Variants in TBCD observed in about 807,000 individuals in gnomAD.
The protein encoded by TBCD is tubulin-specific chaperone D.
TBCD carries 105 observed loss-of-function variants against 169.3 expected under a neutral mutation model. The ratio of observed to expected loss-of-function variants is 0.62; its 90% confidence interval spans 0.53 to 0.73. The LOEUF is 0.73. TBCD is among the 30% of genes least tolerant of loss of function. TBCD has a pLI of 0.00. For synonymous variants in TBCD, 700 were observed against 643.9 expected (o/e 1.09, Z -1.32); for missense variants, 1,444 against 1,600.1 (o/e 0.90, Z 1.66).
chr17:82,815,118 C>T (rs116439520), intron 13 of TBCD, among the ~76,000 whole-genome samples, 184 bp downstream of exon 13: 1,840 of 152,320 alleles, frequency 0.012, 36 homozygotes, highest in African/African-American at 0.042. Flanking sequence ...GTGGCCCTGC[C>T]GCGGGCACGC....
At chr17:82,912,559 C>A (rs1254920313) in intron 23 of TBCD, among the ~76,000 whole-genome samples, 1 of 152,238 alleles carries the variant, frequency 6.6e-6, no homozygotes, top group Non-Finnish European at 1.5e-5. Context: ...ACCCTCAGCC[C>A]CTCGCTGTGG....
At chr17:82,821,433 C>T (rs1057146017) in intron 13 of TBCD, among the ~76,000 whole-genome samples, 9 of 152,320 alleles carry the variant, frequency 5.9e-5, no homozygotes, top group African/African-American at 2.2e-4. Flanking sequence ...GAAATCTTTG[C>T]ATATGTGTTT....
intron 15 of TBCD, among the ~76,000 whole-genome samples, chr17:82,887,457 AC>A (rs910362433): frequency 5.9e-5 from 9 of 151,812 alleles, no homozygotes; most frequent in Non-Finnish European, 1.2e-4. Flanking sequence ...CTGGAGACCC[AC>A]CCCGAGCGTG....
chr17:82,888,724 T>G (rs1297878202), intron 15 of TBCD, among the ~76,000 whole-genome samples: 1 of 152,166 alleles, frequency 6.6e-6, no homozygotes, highest in Non-Finnish European at 1.5e-5. Flanking sequence ...TGGGTGGCTG[T>G]GTTCGGCTCC....
chr17:82,894,117 A>ACT (rs2059330261), intron 17 of TBCD, among the ~76,000 whole-genome samples: 2 of 46,972 alleles, frequency 4.3e-5, no homozygotes, highest in South Asian at 8.4e-4. Context: ...AGTGTTTTGA[A>ACT]GTTGAAGTTA....
Position 82,767,598 on chromosome 17 carries a change from C to T in TBCD, c.436-822C>T, listed in dbSNP as rs1355621689. ...CTGGGATTACAGGCATGTGTCATCACGCCAGGGTAATTTTGTATTTTTAGT... is the reference window on the plus strand; with the variant it reads ...CTGGGATTACAGGCATGTGTCATCATGCCAGGGTAATTTTGTATTTTTAGT... On this transcript the variant is annotated intron_variant, in intron 4 of 38. Transcript: ENST00000355528. Among the ~76,000 whole-genome samples the T allele has an allele frequency of 3.9e-5, 6 of 151,962 alleles. No individual in the cohort carries two copies. In the East Asian group the frequency reaches 5.8e-4, roughly 15 times the overall value.
chr17:82,861,476 C>A (rs1015333183), intron 13 of TBCD, among the ~76,000 whole-genome samples: 10 of 152,282 alleles, frequency 6.6e-5, no homozygotes, highest in Non-Finnish European at 1.5e-4. Flanking sequence ...GGCATAAAAT[C>A]AATGTTTGTT....
chr17:82,786,108 C>T (rs769848841), intron 7 of TBCD, among the ~76,000 whole-genome samples: 20 of 152,098 alleles, frequency 1.3e-4, no homozygotes, highest in East Asian at 7.7e-4. Flanking sequence ...CCTACCAGCC[C>T]GTGGGGCCAA....
intron 7 of TBCD, among the ~76,000 whole-genome samples, chr17:82,783,499 G>C (rs922183725): frequency 6.6e-6 from 1 of 152,130 alleles, no homozygotes; most frequent in African/African-American, 2.4e-5. Context: ...TGATTGCACC[G>C]AGCAGTCCGT....
intron 13 of TBCD, among the ~76,000 whole-genome samples, chr17:82,868,777 T>C (rs2057360508): frequency 6.6e-6 from 1 of 152,262 alleles, no homozygotes. Context: ...ATGTATCTGA[T>C]GACAGTTGCA....
At chr17:82,758,400 A>AAAAAAAT (rs1035939621) in intron 2 of TBCD, among the ~76,000 whole-genome samples, 2 of 100,056 alleles carry the variant, frequency 2.0e-5, no homozygotes, top group African/African-American at 3.6e-5. Context: ...AAAAAAAAAA[A>AAAAAAAT]AAATAAATAA....
At chr17:82,826,680 T>G (rs1052996367) in intron 13 of TBCD, among the ~76,000 whole-genome samples, 2 of 152,080 alleles carry the variant, frequency 1.3e-5, no homozygotes, top group Non-Finnish European at 2.9e-5. Flanking sequence ...CCTCCCAAAG[T>G]GCTGGGATTA....
intron 7 of TBCD, among the ~76,000 whole-genome samples, chr17:82,796,726 C>T (rs577814397): frequency 2.0e-5 from 3 of 152,182 alleles, no homozygotes; most frequent in Non-Finnish European, 2.9e-5. Context: ...CTTAGGAGAG[C>T]CCCCCAGCGG....
rs1203979213 is a variant in TBCD, at chr17:82,766,372, A to G, written c.435+4A>G. ...TCAGAATCCCAAGGACCATGAAGTGAGTGTCTCTGCCTCCCCCCTCGTCTC... is the reference window on the plus strand; with the variant it reads ...TCAGAATCCCAAGGACCATGAAGTGGGTGTCTCTGCCTCCCCCCTCGTCTC... On this transcript the variant is annotated splice_donor_region_variant and intron_variant, in intron 4 of 38. Coordinates refer to ENST00000355528, the MANE Select transcript of TBCD (RefSeq NM_005993.5). 1 of 1,607,596 alleles carries G rather than the reference A, an allele frequency of 6.2e-7. No homozygotes were observed. The highest frequency in any genetic ancestry group is 8.5e-7 in the Non-Finnish European group (1 of 1,176,306).
At chr17:82,855,098 G>C (rs573497239) in intron 13 of TBCD, among the ~76,000 whole-genome samples, 14 of 152,164 alleles carry the variant, frequency 9.2e-5, no homozygotes, top group South Asian at 2.1e-4. Context: ...TCACCCTGCT[G>C]TCCACCTCAC....
chr17:82,840,766 A>G (rs1598851225), intron 13 of TBCD, among the ~76,000 whole-genome samples: 1 of 152,042 alleles, frequency 6.6e-6, no homozygotes, highest in African/African-American at 2.4e-5. Context: ...CCCCCCCACC[A>G]AAACTGCTTG....
At chr17:82,836,657 G>A (rs1451822603) in intron 13 of TBCD, among the ~76,000 whole-genome samples, 1 of 150,692 alleles carries the variant, frequency 6.6e-6, no homozygotes, top group East Asian at 1.9e-4. Context: ...TTTCGAAGCA[G>A]CATTATTTCA....
In TBCD at chr17:82,799,441, C is replaced by CAAAAAAAAAA. The variant is rs61017445; in HGVS notation, c.818-1410_818-1401dup. ...CTGGCGACAGAGCAAGACTCTGTCT[C>CAAAAAAAAAA]AAAAAAAAAAAAAAAAAAAAAAGAA... On this transcript the variant is annotated intron_variant, in intron 8 of 38. Transcript: ENST00000355528. Among the ~76,000 whole-genome samples, 36 of 72,600 alleles carry CAAAAAAAAAA rather than the reference C, an allele frequency of 5.0e-4. 1 individual carries two copies. The highest frequency in any genetic ancestry group is 9.4e-4 in the African/African-American group (18 of 19,060). The allele number at this position is 72,600 out of a possible 152,430, so 47.6% of individuals were successfully genotyped here.
At position 82,781,600 on chromosome 17, in the gene TBCD, G is replaced by A; in HGVS notation, c.650G>A (p.Arg217His). Residue 217 changes from arginine to histidine, a missense_variant, in exon 7 of 39, where the codon CGT becomes CAT. Coordinates refer to ENST00000355528, the MANE Select transcript of TBCD (RefSeq NM_005993.5). The stretch of plus-strand genomic sequence containing the variant: ...TATCCTTTTGGCAGATTTATCACAC[G>A]TCCTGATGTCAAGCAAAGCAAGATG... ...AAVLVSRFIT[R>H]PDVKQSKMAE... The A allele has an allele frequency of 1.9e-6, 3 of 1,613,724 alleles. No individual in the cohort carries two copies. The highest frequency in any genetic ancestry group is 1.3e-5 in the African/African-American group (1 of 74,990).
Sources: allele counts gnomAD v4.1 joint callset (sites outside exome capture counted in the v4.1 genomes callset), GRCh38; gene constraint gnomAD v4.1.1; transcripts MANE v1.5; gene names NCBI Gene and HGNC (gene_info 2026-07-23, HGNC 2026-07-21).